DNAH9: variants seen among roughly 807,000 people sequenced by gnomAD.
DNAH9 encodes DNAH9 variant protein.
A neutral mutation model predicts 471.6 loss-of-function variants in DNAH9; 345 were observed. That is an observed-to-expected ratio of 0.73 (90% CI 0.67 to 0.80). DNAH9 has a LOEUF of 0.80. DNAH9 is among the 30% of genes least tolerant of loss of function. The pLI is 0.00. For synonymous variants in DNAH9, 2,093 were observed against 2,123.6 expected (o/e 0.99, Z 0.40); for missense variants, 5,407 against 5,609.2 (o/e 0.96, Z 1.15).
Position 11,933,869 on chromosome 17 carries a change from C to T in DNAH9, c.12298-11C>T. 1 of 1,602,500 alleles carries T rather than the reference C, an allele frequency of 6.2e-7. No individual in the cohort carries two copies. ...TTCTTCCTTCCTCTCTTTCTTTCCC[C>T]CATCACTCAGGTCCCCTATGATGAT... On this transcript the variant is annotated splice_polypyrimidine_tract_variant and intron_variant, in intron 64 of 68. Coordinates refer to ENST00000262442, the MANE Select transcript of DNAH9 (RefSeq NM_001372.4).
chr17:11,603,868 C>A (rs1468309033), intron 1 of DNAH9, among the ~76,000 whole-genome samples: 1 of 152,112 alleles, frequency 6.6e-6, no homozygotes, highest in Non-Finnish European at 1.5e-5. Context: ...CTGAATCAGT[C>A]CTCGTTCGGC....
rs1977011744 is a variant in DNAH9 at position 11,969,339 on chromosome 17, C to A, written c.13273C>A (p.Pro4425Thr). ...AGAGGCAAAGCTGAAGGATCTGACA[C>A]CCCCTATGCCTGTGATGTTCATCAA... ...ITEAKLKDLTPPMPVMFIKAI... is the reference protein window; with the variant it reads ...ITEAKLKDLTTPMPVMFIKAI... Residue 4425 changes from proline to threonine, a missense_variant, in exon 69 of 69, where the codon CCC (proline) becomes ACC (threonine). Physicochemically the swap from Pro to Thr is conservative, Grantham distance 38. This residue lies in a region of DNAH9 where 4,636 missense variants were observed against 4,900.3 expected (regional missense o/e 0.95). Transcript: ENST00000262442. 6.2e-7 allele frequency: 1 copy of A among 1,614,030 alleles called. No individual in the cohort carries two copies. The highest frequency in any genetic ancestry group is 1.3e-5 in the African/African-American group (1 of 75,002).
chr17:11,819,272 G>A (rs1970223354), intron 45 of DNAH9, among the ~76,000 whole-genome samples: 2 of 152,326 alleles, frequency 1.3e-5, no homozygotes, highest in Admixed American at 1.3e-4. Flanking sequence ...GAGGGATGAT[G>A]AGGTATCACC....
At chr17:11,606,373 C>T (rs2150631945) in intron 1 of DNAH9, among the ~76,000 whole-genome samples, 1 of 151,950 alleles carries the variant, frequency 6.6e-6, no homozygotes, top group East Asian at 1.9e-4. Context: ...ATTCTCCTTC[C>T]ATCACTTGTG....
intron 45 of DNAH9, among the ~76,000 whole-genome samples, chr17:11,818,167 A>G (rs989351942): frequency 3.3e-5 from 5 of 152,224 alleles, no homozygotes; most frequent in African/African-American, 1.2e-4. Flanking sequence ...GTGGTGGCTC[A>G]CGCCTATAAT....
chr17:11,694,837 TTTCCTTCC>T (rs1567725758), intron 22 of DNAH9, among the ~76,000 whole-genome samples: 54 of 2,336 alleles, frequency 0.023, 25 homozygotes, highest in South Asian at 0.078. Flanking sequence ...TCTTTCTTTC[TTTCCTTCC>T]TTCCTTCCTT....
At chr17:11,874,020 G>A (rs1408952521) in intron 52 of DNAH9, among the ~76,000 whole-genome samples, 1 of 152,074 alleles carries the variant, frequency 6.6e-6, no homozygotes, top group African/African-American at 2.4e-5. Flanking sequence ...CGAAGCAGGT[G>A]GATCGCCTGA....
chr17:11,964,755 C>G (rs1259799993), intron 68 of DNAH9, among the ~76,000 whole-genome samples: 1 of 152,130 alleles, frequency 6.6e-6, no homozygotes, highest in African/African-American at 2.4e-5. Context: ...TGGAGGTTAC[C>G]TATAAAACCA....
At chr17:11,774,589 A>G (rs543950447) in intron 38 of DNAH9, among the ~76,000 whole-genome samples, 2 of 152,316 alleles carry the variant, frequency 1.3e-5, no homozygotes, top group East Asian at 3.9e-4. Flanking sequence ...TCATGAGACC[A>G]GCACAGGAAA....
chr17:11,897,211 C>T (rs951936400), intron 59 of DNAH9, among the ~76,000 whole-genome samples: 1 of 152,104 alleles, frequency 6.6e-6, no homozygotes, highest in Non-Finnish European at 1.5e-5. Flanking sequence ...TATACTAAGC[C>T]TTTGAAATCT....
chr17:11,735,888 A>G (rs1304439403), intron 28 of DNAH9, among the ~76,000 whole-genome samples: 1 of 152,220 alleles, frequency 6.6e-6, no homozygotes, highest in East Asian at 1.9e-4. Flanking sequence ...TTCTGGTACA[A>G]GAGCCTTTGG....
At chr17:11,734,587 C>A (rs2075316292) in intron 28 of DNAH9, among the ~76,000 whole-genome samples, 1 of 152,304 alleles carries the variant, frequency 6.6e-6, no homozygotes, top group South Asian at 2.1e-4. Context: ...GGGGCAAAGC[C>A]TCTCCAGGCC....
intron 48 of DNAH9, among the ~76,000 whole-genome samples, chr17:11,825,239 G>C (rs753785116): frequency 7.2e-5 from 11 of 152,104 alleles, no homozygotes; most frequent in Non-Finnish European, 1.6e-4. Flanking sequence ...CTCTGAATCT[G>C]TAGCAAACAG....
At chr17:11,943,506 G>A (rs143802002) in intron 67 of DNAH9, among the ~76,000 whole-genome samples, 413 of 152,052 alleles carry the variant, frequency 2.7e-3, no homozygotes, top group Non-Finnish European at 4.1e-3. Flanking sequence ...GTGAAACCCC[G>A]TCTCTACTAA....
chr17:11,858,985 G>A (rs1463893589), intron 50 of DNAH9, among the ~76,000 whole-genome samples: 2 of 151,152 alleles, frequency 1.3e-5, no homozygotes, highest in Non-Finnish European at 2.9e-5. Flanking sequence ...TTGGGAGGCT[G>A]AGGCAAGAGA....
rs1033950858 is a variant in DNAH9, at chr17:11,905,753, C to T, written c.11693C>T (p.Pro3898Leu). 6.2e-7 allele frequency: 1 copy of T among 1,613,980 alleles called. No individual in the cohort carries two copies. The highest frequency in any genetic ancestry group is 1.3e-5 in the African/African-American group (1 of 74,922). The change falls in exon 61 of 69, where the codon CCT becomes CTT. Residue 3898 changes from proline to leucine, a missense_variant. By Grantham distance (98) the Pro-to-Leu change is moderately conservative. Around this residue, in one of 3 missense-constraint regions of DNAH9, gnomAD observed 4,636 missense variants for 4,900.3 expected, o/e 0.95. Coordinates refer to ENST00000262442, the MANE Select transcript of DNAH9 (RefSeq NM_001372.4). ...TTTGAAGAATCGGGACCAGCCACTC[C>T]TATGTTTTTCATCCTGTCTCCAGGG... ...TSFEESGPAT[P>L]MFFILSPGVD...
At chr17:11,815,870 A>G (rs1970079802) in intron 45 of DNAH9, among the ~76,000 whole-genome samples, 1 of 152,208 alleles carries the variant, frequency 6.6e-6, no homozygotes, top group African/African-American at 2.4e-5. Flanking sequence ...AATGAACTCC[A>G]AGCTTCTTTG....
At chr17:11,771,554 T>A (rs2150881081) in intron 38 of DNAH9, among the ~76,000 whole-genome samples, 1 of 152,352 alleles carries the variant, frequency 6.6e-6, no homozygotes, top group Non-Finnish European at 1.5e-5. Flanking sequence ...CTATCATATC[T>A]TAACCTTCCA....
intron 15 of DNAH9, among the ~76,000 whole-genome samples, chr17:11,668,725 C>CA (rs1406760193): frequency 6.6e-6 from 1 of 151,060 alleles, no homozygotes; most frequent in Non-Finnish European, 1.5e-5. Context: ...GACTGTCCCC[C>CA]AGGAGGCATT....
Sources: gnomAD v4.1 joint callset for allele counts (sites outside exome capture counted in the v4.1 genomes callset) on GRCh38, gnomAD v4.1.1 for gene constraint, gnomAD v4.1.1 regional missense constraint, MANE v1.5 for transcripts, NCBI Gene and HGNC (gene_info 2026-07-23, HGNC 2026-07-21) for gene names.